The following POLA1 variants were observed in gnomAD, a reference collection of about 807,000 sequenced individuals.
POLA1 encodes DNA polymerase alpha 1, catalytic subunit, also known as DNA polymerase alpha catalytic subunit.
Under a neutral mutation model 124.0 loss-of-function variants are expected in POLA1, and 15 were observed. The ratio of observed to expected loss-of-function variants is 0.12; its 90% CI spans 0.08 to 0.19. POLA1 has a LOEUF of 0.19. Among genes scored for constraint, POLA1 ranks in the 10% least tolerant of loss-of-function variants. The pLI is 1.00. For synonymous variants in POLA1, 408 were observed against 389.4 expected (o/e 1.05, Z -0.56); for missense variants, 886 against 1,103.4 (o/e 0.80, Z 2.79).
chrX:24,951,182 C>T (rs1047098978), intron 36 of POLA1, among the ~76,000 whole-genome samples: 4 of 98,595 alleles, frequency 4.1e-5, no homozygotes, highest in East Asian at 3.2e-4. Context: ...ACCCCACCCC[C>T]GCCCCCATTG....
At chrX:24,853,382 A>G (rs1338516272) in intron 34 of POLA1, among the ~76,000 whole-genome samples, 1 of 111,984 alleles carries the variant, frequency 8.9e-6, no homozygotes. Flanking sequence ...ATATCGGTAA[A>G]CTTTTTGTGC....
At chrX:24,956,366 A>G (rs2048106731) in intron 36 of POLA1, among the ~76,000 whole-genome samples, 1 of 108,930 alleles carries the variant, frequency 9.2e-6, no homozygotes, top group Non-Finnish European at 1.9e-5. Context: ...TTATATATAT[A>G]AAACCCAAAA....
At chrX:24,938,463 G>A (rs1398505090) in intron 36 of POLA1, among the ~76,000 whole-genome samples, 1 of 111,520 alleles carries the variant, frequency 9.0e-6, no homozygotes, top group Non-Finnish European at 1.9e-5. Context: ...TCGTGTAAGG[G>A]CCACTCTCTA....
chrX:24,697,356 G>A (rs1203893179), intron 1 of POLA1, among the ~76,000 whole-genome samples: 1 of 111,597 alleles, frequency 9.0e-6, no homozygotes, highest in Non-Finnish European at 1.9e-5. Flanking sequence ...TCACTTTCAG[G>A]GGTCATGTTC....
intron 10 of POLA1, among the ~76,000 whole-genome samples, chrX:24,722,008 C>G (rs1365798945): frequency 1.8e-5 from 2 of 110,911 alleles, no homozygotes; most frequent in Non-Finnish European, 3.8e-5. Flanking sequence ...CCCCCTCAAG[C>G]TGAAAGTCTC....
intron 15 of POLA1, among the ~76,000 whole-genome samples, chrX:24,728,578 A>C (rs772666292): frequency 9.0e-6 from 1 of 111,121 alleles, no homozygotes; most frequent in Non-Finnish European, 1.9e-5. Flanking sequence ...CCTACTCTCC[A>C]GTTTTTTTAA....
Position 24,739,613 on chromosome X carries a change from G to C in POLA1, c.2216+63G>C, listed in dbSNP as rs188107777. The C allele has an allele frequency of 6.3e-5, 44 of 697,725 alleles. No homozygotes were observed. The African/African-American group carries it at 8.2e-4, about 13-fold the overall frequency. 57.5% of individuals were successfully genotyped at this position (697,725 alleles called of 1,213,427 possible). Reference sequence around the variant, plus strand: ...AATTAACAACAGCAGGACACTACTAGTACTATCCTTAGTCTGGAGGGACAT... The same window carrying C: ...AATTAACAACAGCAGGACACTACTACTACTATCCTTAGTCTGGAGGGACAT... On this transcript the variant is annotated intron_variant, in intron 20 of 36. Transcript: ENST00000379068.
chrX:24,695,561 A>G (rs1355669611), intron 1 of POLA1, among the ~76,000 whole-genome samples: 3 of 110,382 alleles, frequency 2.7e-5, no homozygotes, highest in South Asian at 3.9e-4. Context: ...GCTGGCTGCA[A>G]CCTCTGCCTC....
At chrX:24,752,448 A>C (rs2148410647) in intron 26 of POLA1, among the ~76,000 whole-genome samples, 1 of 112,343 alleles carries the variant, frequency 8.9e-6, no homozygotes, top group East Asian at 2.8e-4. Context: ...TAGAAATACC[A>C]TCTGTATTTG....
chrX:24,785,442 G>A (rs773540109), intron 26 of POLA1, among the ~76,000 whole-genome samples: 1 of 111,665 alleles, frequency 9.0e-6, no homozygotes, highest in Non-Finnish European at 1.9e-5. Flanking sequence ...TAGGACAGAG[G>A]TATATCTGGA....
chrX:24,973,453 G>C (rs1210551975), intron 36 of POLA1, among the ~76,000 whole-genome samples: 1 of 111,832 alleles, frequency 8.9e-6, no homozygotes, highest in Admixed American at 9.4e-5. Flanking sequence ...TTTGTGCCTA[G>C]GCCTGAACCT....
chrX:24,724,099 C>G (rs763702049), intron 11 of POLA1, among the ~76,000 whole-genome samples: 1 of 112,587 alleles, frequency 8.9e-6, no homozygotes, highest in Non-Finnish European at 1.9e-5. Flanking sequence ...ATTTTGTAGA[C>G]TTGATCATCT....
chrX:24,805,191 C>G (rs763707952), intron 26 of POLA1, among the ~76,000 whole-genome samples: 2 of 110,701 alleles, frequency 1.8e-5, no homozygotes, highest in East Asian at 5.6e-4. Context: ...GCAAAGCCTG[C>G]AATGATTGAT....
At chrX:24,884,596 A>G (rs923609040) in intron 34 of POLA1, among the ~76,000 whole-genome samples, 4 of 112,404 alleles carry the variant, frequency 3.6e-5, no homozygotes, top group African/African-American at 1.3e-4. Flanking sequence ...ATTAGGGCCT[A>G]TTTCCTACAT....
At chrX:24,931,961 C>T (rs936798173) in intron 36 of POLA1, among the ~76,000 whole-genome samples, 3 of 111,705 alleles carry the variant, frequency 2.7e-5, no homozygotes, top group Non-Finnish European at 5.7e-5. Context: ...TGCAGTGGCA[C>T]GGTCTCAGCT....
chrX:24,913,723 A>C (rs977842307), intron 35 of POLA1, among the ~76,000 whole-genome samples: 58 of 96,279 alleles, frequency 6.0e-4, no homozygotes, highest in Non-Finnish European at 8.7e-4. Flanking sequence ...TCAAAAAAAA[A>C]CAAAAAAAAA....
chrX:24,806,055 T>A (rs1388426012), intron 26 of POLA1, among the ~76,000 whole-genome samples: 42 of 7,277 alleles, frequency 5.8e-3, no homozygotes, highest in Non-Finnish European at 3.3e-3. Flanking sequence ...GGTATGAGGT[T>A]TTTTTTTTTT....
intron 35 of POLA1, among the ~76,000 whole-genome samples, chrX:24,901,424 G>A (rs1460584412): frequency 9.0e-6 from 1 of 111,318 alleles, no homozygotes; most frequent in Admixed American, 9.6e-5. Context: ...GGCCAGTGTA[G>A]CAAGAGAAAA....
At chrX:24,971,431 AC>A (rs1265775765) in intron 36 of POLA1, among the ~76,000 whole-genome samples, 3 of 112,553 alleles carry the variant, frequency 2.7e-5, no homozygotes, top group African/African-American at 9.7e-5. Flanking sequence ...CAGTTGTACT[AC>A]CCCTACCAGG....
Sources: allele counts gnomAD v4.1 joint callset (sites outside exome capture counted in the v4.1 genomes callset), GRCh38; gene constraint gnomAD v4.1.1; transcripts MANE v1.5; gene names NCBI Gene and HGNC (gene_info 2026-07-23, HGNC 2026-07-21).